CFAP206: variants seen among roughly 807,000 people sequenced by gnomAD.
The protein encoded by CFAP206 is cilia and flagella associated protein 206.
A neutral mutation model predicts 65.4 loss-of-function variants in CFAP206; 53 were observed. That is an observed-to-expected ratio of 0.81 (90% CI 0.65 to 1.02). The LOEUF is 1.02. CFAP206 is among the 50% of genes least tolerant of loss of function. The probability of loss-of-function intolerance (pLI) is 0.00; values close to 1 mark genes in which losing one functional copy is unlikely to be tolerated. For synonymous variants in CFAP206, 250 were observed against 254.4 expected (o/e 0.98, Z 0.17); for missense variants, 663 against 753.2 (o/e 0.88, Z 1.40).
At chr6:87,438,460 C>CAA (rs757336468) in intron 11 of CFAP206, among the ~76,000 whole-genome samples, 11,961 of 110,710 alleles carry the variant, frequency 0.11, 757 homozygotes, top group Non-Finnish European at 0.12. Context: ...ACTCTTGTCT[C>CAA]AAAAAAAAAA....
At chr6:87,439,646 C>T (rs1187019415) in intron 11 of CFAP206, among the ~76,000 whole-genome samples, 1 of 151,870 alleles carries the variant, frequency 6.6e-6, no homozygotes, top group African/African-American at 2.4e-5. Context: ...AATATTCTTA[C>T]CTTTTTTTAA....
intron 11 of CFAP206, chr6:87,436,668 T>A (rs570146167): frequency 2.9e-4 from 44 of 152,482 alleles, no homozygotes; most frequent in African/African-American, 9.6e-4. Flanking sequence ...ATTGTGTTAT[T>A]CTGACATCGT....
At chr6:87,424,296 T>C (rs924498618) in intron 7 of CFAP206, among the ~76,000 whole-genome samples, 3 of 152,218 alleles carry the variant, frequency 2.0e-5, no homozygotes, top group African/African-American at 7.2e-5. Context: ...TTTTATTTTT[T>C]TGGGACAGAG....
At position 87,447,975 on chromosome 6, in the gene CFAP206, C is replaced by CT. The variant is rs1768474124; in HGVS notation, c.1494+12925dup. Among the ~76,000 whole-genome samples, 3 of 47,524 alleles carry CT rather than the reference C, an allele frequency of 6.3e-5. No homozygotes were observed. In the South Asian group the frequency reaches 2.1e-3, roughly 33 times the overall value. 31.2% of individuals were successfully genotyped at this position (47,524 alleles called of 152,430 possible). On this transcript the variant is annotated intron_variant, in intron 11 of 12. Coordinates refer to ENST00000369562, the MANE Select transcript of CFAP206 (RefSeq NM_001031743.3). ...CTTTATTATTATTATTATTACTATACTTTAAGTTCTGGGATACATGTGCAG... is the reference window on the plus strand; with the variant it reads ...CTTTATTATTATTATTATTACTATACTTTTAAGTTCTGGGATACATGTGCAG...
chr6:87,427,686 G>C (rs971682819), intron 8 of CFAP206, among the ~76,000 whole-genome samples: 6 of 151,988 alleles, frequency 3.9e-5, no homozygotes, highest in Non-Finnish European at 8.8e-5. Flanking sequence ...ATACTTTCCA[G>C]GTTCTTTTGC....
At position 87,460,921 on chromosome 6, in the gene CFAP206, T is replaced by C. The variant is rs1768734042; in HGVS notation, c.1495-101T>C. 5.2e-6 allele frequency: 5 copies of C among 970,040 alleles called. No individual in the cohort carries two copies. The South Asian group carries it at 7.4e-5, about 14-fold the overall frequency. 60.1% of individuals were successfully genotyped at this position (970,040 alleles called of 1,614,324 possible). The stretch of plus-strand genomic sequence containing the variant: ...AAGTATATTCCATGTCCAAAAATTA[T>C]TGTTTTTTAAGTGTTTTGTTAGTTT... On this transcript the variant is annotated intron_variant, in intron 11 of 12. Transcript: ENST00000369562.
chr6:87,435,148 C>T, intron 11 of CFAP206, 95 bp downstream of exon 11: 1 of 837,300 alleles, frequency 1.2e-6, no homozygotes, highest in African/African-American at 1.7e-5. Flanking sequence ...CAGGTCCACA[C>T]AGAGAGAGTC....
intron 11 of CFAP206, among the ~76,000 whole-genome samples, chr6:87,455,685 A>T (rs1383752493): frequency 6.6e-6 from 1 of 152,188 alleles, no homozygotes; most frequent in Non-Finnish European, 1.5e-5. Flanking sequence ...GAGACATTAC[A>T]ACTGATATCA....
rs780584317 is a variant in CFAP206, at chr6:87,416,676, A to G, written c.480A>G (p.Leu160=). The G allele has an allele frequency of 6.2e-6, 10 of 1,605,452 alleles. No homozygotes were observed. Among genetic ancestry groups the G allele is most frequent in the Admixed American group, 3.4e-5 (2 of 59,290 alleles). The change falls in exon 6 of 13, where the codon CTA becomes CTG. Residue 160 remains leucine, a synonymous_variant. Coordinates refer to ENST00000369562, the MANE Select transcript of CFAP206 (RefSeq NM_001031743.3). Reference sequence around the variant, plus strand: ...TTTTCTGGTTTATTTTAGCTGCTCTACAGAGTGTTTTTCCTCAGGCAGAGC... The same window carrying G: ...TTTTCTGGTTTATTTTAGCTGCTCTGCAGAGTGTTTTTCCTCAGGCAGAGC... ...IKTVREVTAA[L]QSVFPQAELG... is the part of the protein sequence containing the mutation.
At position 87,409,810 on chromosome 6, in the gene CFAP206, TAAAAAAAA is replaced by T; in HGVS notation, c.-5-24_-5-17del. 6.6e-7 allele frequency: 1 copy of T among 1,506,228 alleles called. No individual in the cohort carries two copies. The highest frequency in any genetic ancestry group is 9.1e-7 in the Non-Finnish European group (1 of 1,097,748). The allele number at this position is 1,506,228 out of a possible 1,614,324, so 93.3% of individuals were successfully genotyped here. A position where few individuals can be genotyped will look rare whatever the true frequency, so the allele number is the denominator to read the frequency against. On this transcript the variant is annotated splice_polypyrimidine_tract_variant and intron_variant, in intron 1 of 12. Coordinates refer to ENST00000369562, the MANE Select transcript of CFAP206 (RefSeq NM_001031743.3). ...AATTTGCATAAAACCACGGTTTTTT[TAAAAAAAA>T]TTGTTGTTTTATTTAGCCAGAATGC... is the stretch of plus-strand genomic sequence containing the variant.
intron 11 of CFAP206, among the ~76,000 whole-genome samples, chr6:87,439,083 T>G (rs1044876234): frequency 6.6e-6 from 1 of 152,232 alleles, no homozygotes; most frequent in African/African-American, 2.4e-5. Flanking sequence ...CATGTAAGTT[T>G]CTTAATGAAT....
intron 11 of CFAP206, among the ~76,000 whole-genome samples, chr6:87,457,336 C>A (rs542688001): frequency 1.3e-5 from 2 of 152,034 alleles, no homozygotes; most frequent in South Asian, 4.2e-4. Flanking sequence ...TATATGGAAC[C>A]ACAAAAGACC....
intron 11 of CFAP206, among the ~76,000 whole-genome samples, chr6:87,439,979 A>G (rs919000570): frequency 6.6e-6 from 1 of 152,152 alleles, no homozygotes; most frequent in Non-Finnish European, 1.5e-5. Flanking sequence ...TCTTGTCTGT[A>G]CTAGAATCTT....
At chr6:87,448,742 T>A (rs1030240142) in intron 11 of CFAP206, among the ~76,000 whole-genome samples, 1 of 152,248 alleles carries the variant, frequency 6.6e-6, no homozygotes, top group South Asian at 2.1e-4. Flanking sequence ...AGCTCCTACA[T>A]GAGTGAAACA....
intron 10 of CFAP206, among the ~76,000 whole-genome samples, chr6:87,431,945 C>T (rs981836612): frequency 1.3e-5 from 2 of 152,098 alleles, no homozygotes; most frequent in Non-Finnish European, 2.9e-5. Flanking sequence ...TGGCTAATAT[C>T]AAGTAAAATT....
At chr6:87,423,239 TA>T (rs200359997) in intron 7 of CFAP206, among the ~76,000 whole-genome samples, 63 of 122,048 alleles carry the variant, frequency 5.2e-4, no homozygotes, top group African/African-American at 1.5e-3. Context: ...TTTTTATTTT[TA>T]TTTTTTTATT....
At chr6:87,451,550 G>C (rs911889665) in intron 11 of CFAP206, among the ~76,000 whole-genome samples, 1 of 151,946 alleles carries the variant, frequency 6.6e-6, no homozygotes, top group Non-Finnish European at 1.5e-5. Flanking sequence ...TGGGCTTTGG[G>C]CAAGACCCAG....
chr6:87,444,670 T>C, intron 11 of CFAP206: 1 of 333,740 alleles, frequency 3.0e-6, no homozygotes. Flanking sequence ...TCCTGATCCC[T>C]CTGGGCTCTC....
At chr6:87,454,315 T>C (rs1017073674) in intron 11 of CFAP206, among the ~76,000 whole-genome samples, 2 of 152,168 alleles carry the variant, frequency 1.3e-5, no homozygotes, top group South Asian at 2.1e-4. Flanking sequence ...ACTTTCAGCA[T>C]TGGATATATC....
Sources: gnomAD v4.1 joint callset for allele counts (sites outside exome capture counted in the v4.1 genomes callset) on GRCh38, gnomAD v4.1.1 for gene constraint, MANE v1.5 for transcripts, NCBI Gene and HGNC (gene_info 2026-07-23, HGNC 2026-07-21) for gene names.